KCTD3: variants seen among roughly 807,000 people sequenced by gnomAD.
KCTD3 encodes BTB/POZ domain-containing protein KCTD3.
KCTD3 carries 41 observed loss-of-function variants against 85.8 expected under a neutral mutation model. The observed-to-expected ratio is 0.48, with a 90% CI of 0.37 to 0.62. The LOEUF (loss-of-function observed/expected upper bound fraction) is 0.62, where lower values mean the gene tolerates loss of function less well. KCTD3 is among the 20% of genes least tolerant of loss of function. KCTD3 has a pLI of 0.00. For missense variants in KCTD3, 724 were observed against 989.9 expected (o/e 0.73, Z 3.60); for synonymous variants, 338 against 345.4 (o/e 0.98, Z 0.24).
chr1:215,614,032 T>G (rs1219759573), intron 15 of KCTD3, among the ~76,000 whole-genome samples: 4 of 137,774 alleles, frequency 2.9e-5, no homozygotes, highest in South Asian at 2.3e-4. Flanking sequence ...TTTTTTTTTT[T>G]TTTTTTTTTT....
intron 1 of KCTD3, among the ~76,000 whole-genome samples, 184 bp downstream of exon 1, chr1:215,567,952 T>C (rs112682035): frequency 8.7e-4 from 133 of 152,208 alleles, no homozygotes; most frequent in African/African-American, 3.2e-3. Flanking sequence ...GCATCTGCTC[T>C]GGGAAGGGAG....
At chr1:215,574,235 A>T (rs1659484245) in intron 3 of KCTD3, 117 bp downstream of exon 3, 1 of 586,318 alleles carries the variant, frequency 1.7e-6, no homozygotes, top group African/African-American at 1.9e-5. Flanking sequence ...ACTGAATGAA[A>T]GTGGCATAAT....
chr1:215,612,003 C>A, intron 15 of KCTD3, 82 bp downstream of exon 15: 1 of 882,118 alleles, frequency 1.1e-6, no homozygotes, highest in Non-Finnish European at 1.9e-6. Flanking sequence ...GACATATTGA[C>A]CAAAGAGTGC....
At chr1:215,600,912 T>C (rs1057514877) in intron 10 of KCTD3, among the ~76,000 whole-genome samples, 2 of 152,050 alleles carry the variant, frequency 1.3e-5, no homozygotes, top group African/African-American at 4.8e-5. Context: ...TCTAGTAAAA[T>C]AGTATTGCAA....
intron 1 of KCTD3, among the ~76,000 whole-genome samples, chr1:215,568,097 T>G (rs939132493): frequency 6.6e-6 from 1 of 152,108 alleles, no homozygotes; most frequent in Non-Finnish European, 1.5e-5. Context: ...TCATCTCAGA[T>G]TAGAGTGTAT....
At chr1:215,596,014 C>G (rs949426773) in intron 10 of KCTD3, among the ~76,000 whole-genome samples, 2 of 152,136 alleles carry the variant, frequency 1.3e-5, no homozygotes, top group Non-Finnish European at 2.9e-5. Context: ...GAATTTACTA[C>G]AGCAATCCAG....
intron 4 of KCTD3, among the ~76,000 whole-genome samples, chr1:215,577,447 A>G (rs987073032): frequency 6.6e-6 from 1 of 152,154 alleles, no homozygotes; most frequent in Non-Finnish European, 1.5e-5. Context: ...ATGTATATAT[A>G]TGAATGGTTT....
chr1:215,618,771 A>G, intron 15 of KCTD3, 115 bp from the exon 16 acceptor site: 1 of 762,406 alleles, frequency 1.3e-6, no homozygotes, highest in Non-Finnish European at 2.1e-6. Context: ...GATTTTTTAA[A>G]AGTCTTTTCT....
intron 15 of KCTD3, among the ~76,000 whole-genome samples, chr1:215,617,663 A>G (rs2677117): frequency 0.56 from 84,546 of 151,000 alleles, 25,174 homozygotes; most frequent in Non-Finnish European, 0.66. Flanking sequence ...CAGCAAGCCA[A>G]AAGATTTTCT....
chr1:215,597,655 CT>C (rs907719054), intron 10 of KCTD3, among the ~76,000 whole-genome samples: 1 of 152,074 alleles, frequency 6.6e-6, no homozygotes, highest in African/African-American at 2.4e-5. Flanking sequence ...AATATTGGTT[CT>C]GGGAACAAGA....
At chr1:215,582,686 T>C (rs572546407) in intron 8 of KCTD3, among the ~76,000 whole-genome samples, 229 of 152,168 alleles carry the variant, frequency 1.5e-3, no homozygotes, top group African/African-American at 5.3e-3. Flanking sequence ...CTCAGCCTCC[T>C]GAGTAGCTGG....
chr1:215,614,029 T>G (rs1187089537), intron 15 of KCTD3, among the ~76,000 whole-genome samples: 1 of 131,746 alleles, frequency 7.6e-6, no homozygotes, highest in African/African-American at 3.0e-5. Flanking sequence ...TTTTTTTTTT[T>G]TTTTTTTTTT....
intron 15 of KCTD3, among the ~76,000 whole-genome samples, chr1:215,614,797 T>G (rs1423468251): frequency 6.6e-6 from 1 of 152,218 alleles, no homozygotes; most frequent in African/African-American, 2.4e-5. Context: ...TTTTAAAATT[T>G]TATGGCTGCA....
chr1:215,620,077 A>T lies in KCTD3; in HGVS notation c.1907A>T (p.Asp636Val). 6.3e-7 allele frequency: 1 copy of T among 1,596,606 alleles called. No individual in the cohort carries two copies. Among genetic ancestry groups the T allele is most frequent in the Non-Finnish European group, 8.5e-7 (1 of 1,174,274 alleles). The change falls in exon 18 of 18, where the codon GAT (aspartate) becomes GTT (valine). Residue 636 changes from aspartate to valine, a missense_variant. Physicochemically the swap from Asp to Val is radical, Grantham distance 152. Coordinates refer to ENST00000259154, the MANE Select transcript of KCTD3 (RefSeq NM_016121.5). ...TTCAGCCTTCAGCTTCAGCACCATG[A>T]TACCACCCATGAAGCAGCTACTTAC... ...SNSSLQLQHH[D>V]TTHEAATYGS...
intron 1 of KCTD3, among the ~76,000 whole-genome samples, chr1:215,572,977 C>T (rs1030530727): frequency 3.3e-5 from 5 of 152,084 alleles, no homozygotes; most frequent in African/African-American, 1.2e-4. Flanking sequence ...TACTATATTG[C>T]TTTGTTTGCC....
chr1:215,620,625 A>G lies in KCTD3; in HGVS notation c.*7A>G. ...TCAGGAGTACAGCTTGTGAAAACTC[A>G]CCAAAATGAATAGTTGTTTCGTTAC... On this transcript the variant is annotated 3_prime_UTR_variant, in exon 18 of 18. Transcript: ENST00000259154. 1 of 1,544,878 alleles carries G rather than the reference A, an allele frequency of 6.5e-7. No individual in the cohort carries two copies. The highest frequency in any genetic ancestry group is 8.7e-7 in the Non-Finnish European group (1 of 1,143,078).
intron 8 of KCTD3, among the ~76,000 whole-genome samples, chr1:215,581,959 C>T (rs1001954226): frequency 1.3e-5 from 2 of 152,220 alleles, no homozygotes; most frequent in South Asian, 2.1e-4. Context: ...GTATGATGTT[C>T]TCCTAGCTTC....
chr1:215,618,182 T>C (rs1267342965), intron 15 of KCTD3: 2 of 458,472 alleles, frequency 4.4e-6, no homozygotes, highest in Non-Finnish European at 9.1e-6. Flanking sequence ...TTAGAGTTGA[T>C]TGTTGCATGA....
intron 1 of KCTD3, among the ~76,000 whole-genome samples, chr1:215,571,391 C>A (rs1207022031): frequency 6.6e-6 from 1 of 152,116 alleles, no homozygotes; most frequent in Non-Finnish European, 1.5e-5. Context: ...TAAAGTGACT[C>A]ATTTGTTAAT....
Sources: gnomAD v4.1 joint callset for allele counts (sites outside exome capture counted in the v4.1 genomes callset) on GRCh38, gnomAD v4.1.1 for gene constraint, MANE v1.5 for transcripts, NCBI Gene and HGNC (gene_info 2026-07-23, HGNC 2026-07-21) for gene names.